Variants in NAV2 observed in about 807,000 individuals in gnomAD.
NAV2 encodes the protein helicase, APC down-regulated 1.
A neutral mutation model predicts 223.2 loss-of-function variants in NAV2; 54 were observed. That is an observed-to-expected ratio of 0.24 (90% CI 0.19 to 0.30). The LOEUF is 0.30. Among genes scored for constraint, NAV2 ranks in the 10% least tolerant of loss-of-function variants. The probability of loss-of-function intolerance (pLI) is 1.00; values close to 1 mark genes in which losing one functional copy is unlikely to be tolerated. For synonymous variants in NAV2, 1,279 were observed against 1,239.3 expected, an observed-to-expected ratio of 1.03 and a Z score of -0.67; for missense variants, 2,806 against 3,147.5, an observed-to-expected ratio of 0.89 and a Z score of 2.60.
rs1476527039 is a variant in NAV2 at position 19,933,099 on chromosome 11, G to A, written c.932-77G>A. 6.9e-7 allele frequency: 1 copy of A among 1,457,666 alleles called. No homozygotes were observed. Among genetic ancestry groups the A allele is most frequent in the Non-Finnish European group, 9.1e-7 (1 of 1,098,784 alleles). 90.3% of individuals were successfully genotyped at this position (1,457,666 alleles called of 1,614,324 possible). Reference sequence around the variant, plus strand: ...TTGGGTTGGGAGTGATTGGTTGTGTGGCCATGGCTGACCCTCCCTGGTCTT... The same window carrying A: ...TTGGGTTGGGAGTGATTGGTTGTGTAGCCATGGCTGACCCTCCCTGGTCTT... On this transcript the variant is annotated intron_variant, in intron 6 of 37. Transcript: ENST00000349880. This position sits in a 1 kb window ranked among gnomAD's most constrained non-coding sequence, Gnocchi z 4.3.
intron 1 of NAV2, among the ~76,000 whole-genome samples, chr11:19,575,864 G>A (rs1333331393): frequency 1.3e-5 from 2 of 152,162 alleles, no homozygotes; most frequent in Non-Finnish European, 2.9e-5. Context: ...GAGAGGTAAG[G>A]GAATCACAGC....
At chr11:19,558,499 C>T (rs1364088257) in intron 1 of NAV2, among the ~76,000 whole-genome samples, 1 of 152,232 alleles carries the variant, frequency 6.6e-6, no homozygotes, top group African/African-American at 2.4e-5. Flanking sequence ...CCAGAGCCAA[C>T]AAACAAGACA....
intron 1 of NAV2, among the ~76,000 whole-genome samples, chr11:19,759,295 G>C (rs2054527665): frequency 6.6e-6 from 1 of 152,022 alleles, no homozygotes. Context: ...GTGTTAGCCA[G>C]GATGGTCTCG....
At chr11:19,472,006 A>T (rs1454130291) in intron 1 of NAV2, among the ~76,000 whole-genome samples, 1 of 152,132 alleles carries the variant, frequency 6.6e-6, no homozygotes, top group Non-Finnish European at 1.5e-5. Flanking sequence ...ATCCCAACTA[A>T]CGGGTTGCTT....
chr11:19,612,152 T>C (rs1261725273), intron 1 of NAV2, among the ~76,000 whole-genome samples: 1 of 152,214 alleles, frequency 6.6e-6, no homozygotes, highest in African/African-American at 2.4e-5. Flanking sequence ...CAGCCATGGC[T>C]GGAGCAGCTG....
chr11:19,865,752 T>C (rs1478810892), intron 3 of NAV2, among the ~76,000 whole-genome samples: 2 of 151,764 alleles, frequency 1.3e-5, no homozygotes, highest in Non-Finnish European at 2.9e-5. Flanking sequence ...AGACCAGCCA[T>C]CTGGTTTTGG....
chr11:20,075,642 A>C lies in NAV2; in HGVS notation c.4984-1910A>C, dbSNP rs535551394. Among the ~76,000 whole-genome samples, 11 of 152,186 alleles carry C rather than the reference A, an allele frequency of 7.2e-5. No homozygotes were observed. The East Asian group carries it at 1.4e-3, about 19-fold the overall frequency. On this transcript the variant is annotated intron_variant, in intron 22 of 37. Coordinates refer to ENST00000349880, the MANE Select transcript of NAV2 (RefSeq NM_145117.5). ...TAGAAATGCTCCCTGCCAGCGGTTG[A>C]TTCTAGAGATGTCTTAGCCTCCACC... is the stretch of plus-strand genomic sequence containing the variant.
At chr11:19,821,339 C>T (rs945696825) in intron 1 of NAV2, among the ~76,000 whole-genome samples, 6 of 151,638 alleles carry the variant, frequency 4.0e-5, no homozygotes, top group Admixed American at 3.3e-4. Context: ...GAAGCAGGCA[C>T]CTACACCCTC....
At chr11:19,672,102 G>A (rs1383584052) in intron 1 of NAV2, among the ~76,000 whole-genome samples, 1 of 152,194 alleles carries the variant, frequency 6.6e-6, no homozygotes, top group Admixed American at 6.5e-5. Flanking sequence ...AGATTAGGCT[G>A]AGGGAACAGC....
chr11:19,365,846 G>C (rs1312351775), intron 1 of NAV2, among the ~76,000 whole-genome samples: 3 of 152,184 alleles, frequency 2.0e-5, no homozygotes, highest in Non-Finnish European at 4.4e-5. Flanking sequence ...TAAATAGTTT[G>C]TTCATAAGTG....
Position 20,043,955 on chromosome 11 carries a change from C to T in NAV2, c.2908-26C>T, listed in dbSNP as rs1403170266. 1.9e-6 allele frequency: 3 copies of T among 1,601,282 alleles called. No individual in the cohort carries two copies. The South Asian group carries it at 3.3e-5, about 18-fold the overall frequency. On this transcript the variant is annotated intron_variant, in intron 12 of 37. Transcript: ENST00000349880. ...TTCCCAGCCTGGGACTGGGGAAGGA[C>T]TAATTCAGAGAGTCTCTGTCCACAG...
chr11:19,901,831 C>T (rs577808399), intron 6 of NAV2, among the ~76,000 whole-genome samples: 1 of 152,266 alleles, frequency 6.6e-6, no homozygotes, highest in African/African-American at 2.4e-5. Flanking sequence ...TTCTTTCTTG[C>T]ATTTTTCATT....
intron 1 of NAV2, among the ~76,000 whole-genome samples, chr11:19,636,031 T>C (rs1226441036): frequency 2.0e-5 from 3 of 152,246 alleles, no homozygotes; most frequent in East Asian, 3.8e-4. Flanking sequence ...AAGTGACCAT[T>C]ATGCTCATGA....
At chr11:19,959,602 GA>G (rs1305711138) in intron 10 of NAV2, among the ~76,000 whole-genome samples, 1 of 152,220 alleles carries the variant, frequency 6.6e-6, no homozygotes, top group Non-Finnish European at 1.5e-5. Context: ...TCCTCATAAT[GA>G]GGGTGTTTCC....
intron 1 of NAV2, among the ~76,000 whole-genome samples, chr11:19,614,073 G>T (rs910268154): frequency 1.3e-5 from 2 of 152,128 alleles, no homozygotes; most frequent in Non-Finnish European, 2.9e-5. Context: ...AGAACTGCAG[G>T]GTGCTGTACA....
intron 1 of NAV2, among the ~76,000 whole-genome samples, chr11:19,418,703 A>C (rs1278855035): frequency 6.6e-6 from 1 of 152,162 alleles, no homozygotes; most frequent in Non-Finnish European, 1.5e-5. Flanking sequence ...AGATCATAGA[A>C]GGTTTGGCAG....
chr11:19,571,950 G>A (rs1203251420), intron 1 of NAV2, among the ~76,000 whole-genome samples: 1 of 152,144 alleles, frequency 6.6e-6, no homozygotes, highest in Non-Finnish European at 1.5e-5. Flanking sequence ...GGAGACTGTG[G>A]CAGGTTTGGT....
intron 1 of NAV2, among the ~76,000 whole-genome samples, chr11:19,783,503 A>C (rs2056891377): frequency 6.6e-6 from 1 of 152,190 alleles, no homozygotes; most frequent in Admixed American, 6.5e-5. Flanking sequence ...ACTTCTTAAA[A>C]GGAGGGCTTT....
intron 12 of NAV2, among the ~76,000 whole-genome samples, chr11:20,038,651 C>T (rs1049277128): frequency 1.6e-4 from 25 of 152,176 alleles, no homozygotes; most frequent in African/African-American, 5.3e-4. Context: ...AGAGCTGCGC[C>T]TTCTATGCTG....
Sources: allele counts gnomAD v4.1 joint callset (sites outside exome capture counted in the v4.1 genomes callset), GRCh38; gene constraint gnomAD v4.1.1; non-coding constraint Gnocchi (gnomAD v3.1); transcripts MANE v1.5; gene names NCBI Gene and HGNC (gene_info 2026-07-23, HGNC 2026-07-21).